The following EFCAB6 variants were observed in gnomAD, a reference collection of about 807,000 sequenced individuals.
EFCAB6 encodes the protein EF-hand calcium binding domain 6, also known as EF-hand calcium-binding domain-containing protein 6.
EFCAB6 carries 156 observed loss-of-function variants against 169.8 expected under a neutral mutation model. The ratio of observed to expected loss-of-function variants is 0.92; its 90% CI spans 0.81 to 1.05. EFCAB6 has a LOEUF of 1.05. Among genes scored for constraint, EFCAB6 ranks in the 50% least tolerant of loss-of-function variants. EFCAB6 has a pLI of 0.00. For synonymous variants in EFCAB6, 698 were observed against 676.4 expected (o/e 1.03, Z -0.50); for missense variants, 1,800 against 1,829.1 (o/e 0.98, Z 0.29).
intron 26 of EFCAB6, among the ~76,000 whole-genome samples, chr22:43,564,302 G>T (rs2049278884): frequency 7.5e-6 from 1 of 133,828 alleles, no homozygotes; most frequent in Middle Eastern, 4.1e-3. Flanking sequence ...ACAAAAATCA[G>T]CAGGGTGTGC....
chr22:43,748,397 T>C (rs765223383), intron 6 of EFCAB6, among the ~76,000 whole-genome samples: 10 of 152,168 alleles, frequency 6.6e-5, no homozygotes, highest in Non-Finnish European at 1.0e-4. Flanking sequence ...TGCGGTGCTC[T>C]GGCCACAGCC....
At position 43,678,653 on chromosome 22, in the gene EFCAB6, T is replaced by A. The variant is rs558419220; in HGVS notation, c.1252-490A>T. On this transcript the variant is annotated intron_variant, in intron 12 of 31. Transcript: ENST00000262726. ...CTCATCCATTACATAAATGGACAAC[T>A]ACTTTGCTAGAAAAATTTCAGCCAT... 2.0e-5 allele frequency among the ~76,000 whole-genome samples: 3 copies of A among 152,328 alleles called. No individual in the cohort carries two copies. The South Asian group carries it at 6.2e-4, about 32-fold the overall frequency.
chr22:43,534,958 C>T lies in EFCAB6; in HGVS notation c.4049-86G>A, dbSNP rs868864269. Reference sequence around the variant, plus strand: ...ATTCATTCAACACTTGCTGAGACACCTTCTCTGCTTCAGGCCCTGGCTTGG... The same window carrying T: ...ATTCATTCAACACTTGCTGAGACACTTTCTCTGCTTCAGGCCCTGGCTTGG... On this transcript the variant is annotated intron_variant, in intron 29 of 31. Coordinates refer to ENST00000262726, the MANE Select transcript of EFCAB6 (RefSeq NM_022785.4). 34 of 1,389,426 alleles carry T rather than the reference C, an allele frequency of 2.4e-5. No individual in the cohort carries two copies. The Middle Eastern group carries it at 1.8e-3, about 75-fold the overall frequency. 86.1% of individuals were successfully genotyped at this position (1,389,426 alleles called of 1,614,324 possible).
intron 17 of EFCAB6, among the ~76,000 whole-genome samples, chr22:43,665,664 C>T (rs1309856356): frequency 2.6e-5 from 4 of 152,174 alleles, no homozygotes; most frequent in African/African-American, 9.7e-5. Flanking sequence ...AAATTCAGCT[C>T]CCATGGCTAC....
At chr22:43,667,700 G>T (rs1213850233) in intron 16 of EFCAB6, among the ~76,000 whole-genome samples, 1 of 152,176 alleles carries the variant, frequency 6.6e-6, no homozygotes, top group African/African-American at 2.4e-5. Context: ...AGGCTGTTTT[G>T]TGGTAACTAG....
At chr22:43,610,070 A>T (rs1244877548) in intron 21 of EFCAB6, among the ~76,000 whole-genome samples, 1 of 152,244 alleles carries the variant, frequency 6.6e-6, no homozygotes. Flanking sequence ...GTGAAAGTTG[A>T]AACTGTCAAG....
intron 7 of EFCAB6, among the ~76,000 whole-genome samples, chr22:43,733,170 A>C (rs1053331894): frequency 6.6e-6 from 1 of 152,196 alleles, no homozygotes; most frequent in Non-Finnish European, 1.5e-5. Context: ...AAAGAGCTTC[A>C]TCTTTCATCT....
chr22:43,629,134 C>A (rs1238993243), intron 19 of EFCAB6, among the ~76,000 whole-genome samples: 3 of 152,160 alleles, frequency 2.0e-5, no homozygotes, highest in African/African-American at 7.2e-5. Context: ...GGTGTGAGGG[C>A]CAGGTGGGGC....
intron 2 of EFCAB6, among the ~76,000 whole-genome samples, chr22:43,784,915 T>A: frequency 6.8e-6 from 1 of 146,924 alleles, no homozygotes; most frequent in Admixed American, 6.8e-5. Flanking sequence ...CAAAAGAAAA[T>A]GAAAGAAAGA....
intron 3 of EFCAB6, among the ~76,000 whole-genome samples, chr22:43,778,099 C>T (rs746643599): frequency 3.3e-5 from 5 of 152,118 alleles, no homozygotes; most frequent in Non-Finnish European, 2.9e-5. Context: ...ACAAGCCACT[C>T]GTCAGAGAAA....
At chr22:43,588,245 T>G (rs193215549) in intron 24 of EFCAB6, among the ~76,000 whole-genome samples, 1 of 152,340 alleles carries the variant, frequency 6.6e-6, no homozygotes, top group African/African-American at 2.4e-5. Flanking sequence ...CGTCCTCCAC[T>G]CTTAGTATGG....
chr22:43,619,531 A>G (rs2053979167), intron 20 of EFCAB6, among the ~76,000 whole-genome samples: 1 of 152,226 alleles, frequency 6.6e-6, no homozygotes, highest in Non-Finnish European at 1.5e-5. Flanking sequence ...TAAAGCAGCT[A>G]TTATATTCAT....
intron 2 of EFCAB6, among the ~76,000 whole-genome samples, chr22:43,802,993 T>G (rs557083129): frequency 6.6e-6 from 1 of 152,358 alleles, no homozygotes; most frequent in South Asian, 2.1e-4. Flanking sequence ...TTGAGAGACT[T>G]CCTCTTGGCT....
At chr22:43,684,812 C>A (rs969869081) in intron 11 of EFCAB6, among the ~76,000 whole-genome samples, 2 of 152,132 alleles carry the variant, frequency 1.3e-5, no homozygotes, top group African/African-American at 4.8e-5. Flanking sequence ...AGATTTTATC[C>A]ACCGGGTACC....
At chr22:43,579,399 CCTGCATGCAGGCATCATTCT>C in intron 25 of EFCAB6, among the ~76,000 whole-genome samples, 1 of 151,106 alleles carries the variant, frequency 6.6e-6, no homozygotes, top group South Asian at 2.1e-4. Flanking sequence ...GGCATCATTC[CCTGCATGCAGGCATCATTCT>C]GTACATGCAG....
At position 43,632,176 on chromosome 22, in the gene EFCAB6, C is replaced by T. The variant is rs148685975; in HGVS notation, c.2161G>A (p.Val721Met). The T allele has an allele frequency of 9.3e-6, 15 of 1,613,912 alleles. No homozygotes were observed. The East Asian group carries it at 1.3e-4, about 14-fold the overall frequency. ...PQPPTPSKSY[V>M]NSHFITAEEC... ...TCTGCGGTGATAAAGTGGCTGTTCACGTAACTTTTTGAAGGAGTTGGAGGC... is the reference window on the plus strand; with the variant it reads ...TCTGCGGTGATAAAGTGGCTGTTCATGTAACTTTTTGAAGGAGTTGGAGGC... The change falls in exon 19 of 32, where the codon GTG (valine) becomes ATG (methionine). Residue 721 changes from valine to methionine, a missense_variant. Physicochemically the swap from Val to Met is conservative, Grantham distance 21. Transcript: ENST00000262726.
At chr22:43,564,840 C>T (rs748852266) in intron 26 of EFCAB6, among the ~76,000 whole-genome samples, 13 of 152,182 alleles carry the variant, frequency 8.5e-5, no homozygotes, top group Non-Finnish European at 1.3e-4. Flanking sequence ...GTATCCTGAA[C>T]GACTTCTATG....
intron 20 of EFCAB6, among the ~76,000 whole-genome samples, chr22:43,621,860 C>T (rs2054137159): frequency 6.6e-6 from 1 of 152,112 alleles, no homozygotes; most frequent in Non-Finnish European, 1.5e-5. Flanking sequence ...AGGAATCTCA[C>T]TAAATACTTC....
At chr22:43,745,386 C>T (rs1314395918) in intron 6 of EFCAB6, among the ~76,000 whole-genome samples, 2 of 152,226 alleles carry the variant, frequency 1.3e-5, no homozygotes, top group Admixed American at 1.3e-4. Context: ...ACAGCATAAC[C>T]CGCAGACGAA....
Sources: gnomAD v4.1 joint callset for allele counts (sites outside exome capture counted in the v4.1 genomes callset) on GRCh38, gnomAD v4.1.1 for gene constraint, MANE v1.5 for transcripts, NCBI Gene and HGNC (gene_info 2026-07-23, HGNC 2026-07-21) for gene names.